Variants in PTPRD observed in about 807,000 individuals in gnomAD.
PTPRD encodes the protein receptor-type tyrosine-protein phosphatase delta.
Under a neutral mutation model 214.5 loss-of-function variants are expected in PTPRD, and 34 were observed. That is an observed-to-expected ratio of 0.16 (90% CI 0.12 to 0.21). The LOEUF (loss-of-function observed/expected upper bound fraction) is 0.21, where lower values mean the gene tolerates loss of function less well. PTPRD is among the 10% of genes least tolerant of loss of function. PTPRD has a pLI of 1.00. For synonymous variants in PTPRD, 1,128 were observed against 845.7 expected, an observed-to-expected ratio of 1.33 and a Z score of -5.79; for missense variants, 2,545 against 2,398.7, an observed-to-expected ratio of 1.06 and a Z score of -1.27.
In PTPRD at chr9:10,183,175, A is replaced by AT. The variant is rs1309766955; in HGVS notation, c.-544-149386dup. Among the ~76,000 whole-genome samples the AT allele has an allele frequency of 3.9e-5, 6 of 152,210 alleles. No individual in the cohort carries two copies. In the East Asian group the frequency reaches 5.8e-4, roughly 15 times the overall value. On this transcript the variant is annotated intron_variant, in intron 3 of 45. Transcript: ENST00000381196. ...CAATTTTTTAAAGGAAGTGTTTGCC[A>AT]TTTTTTTAAAGAAACAATACACATT...
intron 11 of PTPRD, among the ~76,000 whole-genome samples, chr9:8,805,723 C>T (rs974140169): frequency 2.0e-5 from 3 of 151,432 alleles, no homozygotes; most frequent in Non-Finnish European, 4.4e-5. Flanking sequence ...CTGCTGGGCA[C>T]GGTGGGTCAC....
At chr9:9,260,596 G>A (rs376759789) in intron 9 of PTPRD, among the ~76,000 whole-genome samples, 11 of 151,842 alleles carry the variant, frequency 7.2e-5, no homozygotes, top group African/African-American at 2.2e-4. Context: ...AAAGAGTAGG[G>A]TGAGGTAGGA....
At position 9,333,694 on chromosome 9, in the gene PTPRD, C is replaced by G. The variant is rs140417500; in HGVS notation, c.-203+63755G>C. Among the ~76,000 whole-genome samples the G allele has an allele frequency of 4.6e-3, 697 of 151,454 alleles. 7 individuals are homozygous for G. The highest frequency in any genetic ancestry group is 0.016 in the African/African-American group (652 of 41,324). On this transcript the variant is annotated intron_variant, in intron 9 of 45. Transcript: ENST00000381196. ...TTGAACGTGCCACTTGGTTTCCTGA[C>G]AGTTGATAGATATTTCCAACTCCAA...
At chr9:9,669,506 C>T (rs2096785560) in intron 7 of PTPRD, among the ~76,000 whole-genome samples, 1 of 152,002 alleles carries the variant, frequency 6.6e-6, no homozygotes, top group Admixed American at 6.6e-5. Context: ...TTTAAAGTAC[C>T]ACATTAAACA....
chr9:9,141,552 C>A (rs141920263), intron 10 of PTPRD, among the ~76,000 whole-genome samples: 2 of 151,890 alleles, frequency 1.3e-5, no homozygotes, highest in Non-Finnish European at 2.9e-5. Flanking sequence ...AAATTCAATA[C>A]ATTATACTGT....
At chr9:9,137,715 G>A (rs750033256) in intron 10 of PTPRD, among the ~76,000 whole-genome samples, 16 of 152,020 alleles carry the variant, frequency 1.1e-4, no homozygotes, top group South Asian at 4.1e-4. Flanking sequence ...TACTCTCACA[G>A]GACATTGTAC....
At chr9:8,563,359 T>G (rs749951051) in intron 14 of PTPRD, among the ~76,000 whole-genome samples, 6 of 152,048 alleles carry the variant, frequency 3.9e-5, no homozygotes, top group Non-Finnish European at 7.4e-5. Flanking sequence ...ATCAATTGTA[T>G]CTCAATAAGT....
At chr9:9,114,226 G>C (rs889209538) in intron 10 of PTPRD, among the ~76,000 whole-genome samples, 1 of 152,134 alleles carries the variant, frequency 6.6e-6, no homozygotes, top group Non-Finnish European at 1.5e-5. Flanking sequence ...AGGGTAGTTC[G>C]GGTGCAAACA....
intron 8 of PTPRD, among the ~76,000 whole-genome samples, chr9:9,408,460 T>C (rs869869): frequency 0.62 from 94,483 of 151,566 alleles, 29,823 homozygotes; most frequent in Admixed American, 0.69. Context: ...CATACCTGCA[T>C]TACTTGTTTG....
chr9:9,841,020 G>T (rs1397027344), intron 5 of PTPRD, among the ~76,000 whole-genome samples: 1 of 152,086 alleles, frequency 6.6e-6, no homozygotes, highest in Non-Finnish European at 1.5e-5. Flanking sequence ...GCAGGAAGTT[G>T]TTGTGAGGGG....
chr9:9,755,259 G>A (rs998107555), intron 6 of PTPRD, among the ~76,000 whole-genome samples: 1 of 151,956 alleles, frequency 6.6e-6, no homozygotes, highest in Non-Finnish European at 1.5e-5. Flanking sequence ...GGTGATAAAT[G>A]ATCATCTCCC....
intron 3 of PTPRD, among the ~76,000 whole-genome samples, chr9:10,072,284 T>C (rs960466544): frequency 3.3e-5 from 5 of 152,078 alleles, no homozygotes; most frequent in African/African-American, 1.2e-4. Flanking sequence ...ACTACATATC[T>C]AGCAGAGTAG....
At chr9:10,261,661 G>T (rs140785805) in intron 3 of PTPRD, among the ~76,000 whole-genome samples, 3 of 152,050 alleles carry the variant, frequency 2.0e-5, no homozygotes, top group African/African-American at 7.2e-5. Flanking sequence ...ATAATTTCTA[G>T]TGTTTAAAAA....
intron 8 of PTPRD, among the ~76,000 whole-genome samples, chr9:9,529,315 C>T (rs930256231): frequency 2.0e-5 from 3 of 147,970 alleles, no homozygotes; most frequent in Non-Finnish European, 4.5e-5. Flanking sequence ...AAAAAAAAGT[C>T]AGTCTTTGAA....
chr9:10,511,564 C>A (rs2048019407), intron 2 of PTPRD, among the ~76,000 whole-genome samples: 2 of 109,852 alleles, frequency 1.8e-5, no homozygotes, highest in African/African-American at 3.4e-5. Context: ...CCACCACACC[C>A]TGGTATTTTT....
chr9:8,715,511 C>T (rs923742328), intron 12 of PTPRD, among the ~76,000 whole-genome samples: 1 of 152,118 alleles, frequency 6.6e-6, no homozygotes, highest in Non-Finnish European at 1.5e-5. Context: ...CAAACTTGAC[C>T]AAGACCACTT....
intron 4 of PTPRD, among the ~76,000 whole-genome samples, chr9:10,027,818 T>G (rs1351353600): frequency 6.6e-6 from 1 of 152,170 alleles, no homozygotes; most frequent in Non-Finnish European, 1.5e-5. Context: ...AATGGTAAAA[T>G]ATAACAGCAT....
intron 8 of PTPRD, among the ~76,000 whole-genome samples, chr9:9,457,619 A>G (rs1466141695): frequency 6.6e-6 from 1 of 152,006 alleles, no homozygotes; most frequent in Non-Finnish European, 1.5e-5. Flanking sequence ...GAAAGATTTC[A>G]CTGTGATGTG....
intron 8 of PTPRD, among the ~76,000 whole-genome samples, chr9:9,486,312 C>T (rs558175215): frequency 1.2e-4 from 18 of 151,990 alleles, no homozygotes; most frequent in Non-Finnish European, 4.4e-5. Flanking sequence ...TGTTAGGCTG[C>T]TGTTTCAGTC....
Sources: allele counts gnomAD v4.1 joint callset (sites outside exome capture counted in the v4.1 genomes callset), GRCh38; gene constraint gnomAD v4.1.1; transcripts MANE v1.5; gene names NCBI Gene and HGNC (gene_info 2026-07-23, HGNC 2026-07-21).